The following CNTNAP5 variants were observed in gnomAD, a reference collection of about 807,000 sequenced individuals.
CNTNAP5 encodes the protein contactin-associated protein-like 5.
A neutral mutation model predicts 150.2 loss-of-function variants in CNTNAP5; 72 were observed. The observed-to-expected ratio is 0.48, with a 90% CI of 0.40 to 0.58. The LOEUF is 0.58. Ranked by LOEUF, CNTNAP5 falls within the 20% of genes least tolerant of loss-of-function variation. The pLI, the probability that CNTNAP5 is intolerant of heterozygous loss-of-function variation, is 0.00. For missense variants in CNTNAP5, 1,636 were observed against 1,626.2 expected, an observed-to-expected ratio of 1.01 and a Z score of -0.10; for synonymous variants, 672 against 619.8, an observed-to-expected ratio of 1.08 and a Z score of -1.25.
intron 5 of CNTNAP5, among the ~76,000 whole-genome samples, chr2:124,443,992 C>T (rs977820329): frequency 3.3e-5 from 5 of 152,058 alleles, no homozygotes; most frequent in African/African-American, 7.2e-5. Context: ...TTAAATCTAC[C>T]TGCCTTGTTA....
At chr2:124,679,502 C>T (rs1488888472) in intron 13 of CNTNAP5, among the ~76,000 whole-genome samples, 1 of 151,708 alleles carries the variant, frequency 6.6e-6, no homozygotes, top group East Asian at 1.9e-4. Flanking sequence ...GCGCTTTTTC[C>T]AAATCACTAA....
At chr2:124,088,739 A>G (rs1682753538) in intron 1 of CNTNAP5, among the ~76,000 whole-genome samples, 1 of 152,092 alleles carries the variant, frequency 6.6e-6, no homozygotes, top group Admixed American at 6.5e-5. Flanking sequence ...CTCTCCATGG[A>G]GTCTGCCCTG....
chr2:124,706,154 G>A (rs1180655556), intron 13 of CNTNAP5, among the ~76,000 whole-genome samples: 1 of 152,032 alleles, frequency 6.6e-6, no homozygotes, highest in Non-Finnish European at 1.5e-5. Context: ...TCCAGCAAAG[G>A]GACTTACCCA....
chr2:124,676,944 A>C (rs527797204), intron 13 of CNTNAP5, among the ~76,000 whole-genome samples: 1 of 152,308 alleles, frequency 6.6e-6, no homozygotes, highest in Non-Finnish European at 1.5e-5. Context: ...ACCATCTGGA[A>C]GTGCTTCTGT....
intron 13 of CNTNAP5, among the ~76,000 whole-genome samples, chr2:124,701,659 C>G (rs534896685): frequency 1.3e-5 from 2 of 152,124 alleles, no homozygotes; most frequent in Admixed American, 6.5e-5. Flanking sequence ...TCCCTTCTAT[C>G]CACACCCTTG....
chr2:124,515,260 T>TA (rs1184567513), intron 8 of CNTNAP5, among the ~76,000 whole-genome samples: 1 of 152,216 alleles, frequency 6.6e-6, no homozygotes, highest in African/African-American at 2.4e-5. Context: ...GAGCGCAGAA[T>TA]GCTGCCCTGC....
intron 22 of CNTNAP5, among the ~76,000 whole-genome samples, chr2:124,910,114 C>G (rs1223520790): frequency 6.6e-6 from 1 of 151,730 alleles, no homozygotes; most frequent in African/African-American, 2.4e-5. Context: ...CCCTGGACAC[C>G]ACAAATGGCA....
chr2:124,841,159 CCA>C (rs1558796544), intron 19 of CNTNAP5, among the ~76,000 whole-genome samples: 1 of 151,978 alleles, frequency 6.6e-6, no homozygotes, highest in Non-Finnish European at 1.5e-5. Context: ...ATCTAAGCCA[CCA>C]TTCACAGTAG....
intron 2 of CNTNAP5, among the ~76,000 whole-genome samples, chr2:124,233,801 A>C (rs1686681447): frequency 6.7e-6 from 1 of 150,286 alleles, no homozygotes; most frequent in African/African-American, 2.4e-5. Flanking sequence ...ATATATATAT[A>C]TATTATTTTA....
intron 12 of CNTNAP5, among the ~76,000 whole-genome samples, chr2:124,622,667 G>T (rs1270715677): frequency 6.6e-6 from 1 of 151,730 alleles, no homozygotes; most frequent in Non-Finnish European, 1.5e-5. Context: ...CATCCTGATT[G>T]GTGTGACACG....
At chr2:124,569,091 A>C (rs1427353901) in intron 11 of CNTNAP5, among the ~76,000 whole-genome samples, 2 of 152,072 alleles carry the variant, frequency 1.3e-5, no homozygotes, top group African/African-American at 4.8e-5. Flanking sequence ...TAATACCACA[A>C]GTTCTATGGT....
At chr2:124,059,516 ATGTCAT>A in intron 1 of CNTNAP5, among the ~76,000 whole-genome samples, 2 of 152,290 alleles carry the variant, frequency 1.3e-5, no homozygotes, top group East Asian at 3.9e-4. Flanking sequence ...GATGCACAGG[ATGTCAT>A]TCCTGACCCT....
At chr2:124,151,459 T>G (rs990308435) in intron 1 of CNTNAP5, among the ~76,000 whole-genome samples, 2 of 152,196 alleles carry the variant, frequency 1.3e-5, no homozygotes, top group East Asian at 3.9e-4. Flanking sequence ...TGAACCAGGT[T>G]TAAAAATCAG....
At chr2:124,911,643 C>A in intron 23 of CNTNAP5, 105 bp downstream of exon 23, 1 of 852,704 alleles carries the variant, frequency 1.2e-6, no homozygotes, top group Non-Finnish European at 1.9e-6. Context: ...GCACTCAGAG[C>A]CCCCTACATT....
chr2:124,446,417 A>C (rs960559610), intron 5 of CNTNAP5, among the ~76,000 whole-genome samples: 1 of 152,170 alleles, frequency 6.6e-6, no homozygotes, highest in Non-Finnish European at 1.5e-5. Context: ...GAACCATTCA[A>C]ACTCAAAGAA....
intron 1 of CNTNAP5, among the ~76,000 whole-genome samples, chr2:124,129,479 C>T (rs1683794374): frequency 6.6e-6 from 1 of 151,982 alleles, no homozygotes; most frequent in South Asian, 2.1e-4. Context: ...AGCAATGATA[C>T]CCACTTTGCT....
In CNTNAP5 at chr2:124,707,038, GA is replaced by G. The variant is rs1355348911; in HGVS notation, c.2078-40189del. Among the ~76,000 whole-genome samples, 34 of 130,514 alleles carry G rather than the reference GA, an allele frequency of 2.6e-4. 6 individuals are homozygous for G. The highest frequency in any genetic ancestry group is 9.4e-4 in the East Asian group (4 of 4,266). The allele number at this position is 130,514 out of a possible 152,430, so 85.6% of individuals were successfully genotyped here. A position where few individuals can be genotyped will look rare whatever the true frequency, so the allele number is the denominator to read the frequency against. Reference sequence around the variant, plus strand: ...AGGAGGAGAAGAAGAAGAAGAAGAAGAAGGAGGAGGAGGAGGAGGAGGAGAG... The same window carrying G: ...AGGAGGAGAAGAAGAAGAAGAAGAAGAGGAGGAGGAGGAGGAGGAGGAGAG... On this transcript the variant is annotated intron_variant, in intron 13 of 23. Transcript: ENST00000682447.
rs1367521862 is a variant in CNTNAP5, at chr2:124,918,614, C to T, written c.*4326C>T. 1.3e-5 allele frequency among the ~76,000 whole-genome samples: 2 copies of T among 152,036 alleles called. No individual in the cohort carries two copies. The highest frequency in any genetic ancestry group is 2.9e-5 in the Non-Finnish European group (2 of 67,980). On this transcript the variant is annotated 3_prime_UTR_variant, in exon 24 of 24. Transcript: ENST00000682447. ...GGAAAGGTCTTGACAGACTGTTCAC[C>T]AACTGCCCTAGCTTCCTTTAAGCTT... is the stretch of plus-strand genomic sequence containing the variant.
intron 14 of CNTNAP5, among the ~76,000 whole-genome samples, chr2:124,756,308 C>A (rs1332738829): frequency 6.6e-6 from 1 of 152,194 alleles, no homozygotes; most frequent in Non-Finnish European, 1.5e-5. Flanking sequence ...CACGTTTACA[C>A]TGTGGGTGGG....
Sources: allele counts gnomAD v4.1 joint callset (sites outside exome capture counted in the v4.1 genomes callset), GRCh38; gene constraint gnomAD v4.1.1; transcripts MANE v1.5; gene names NCBI Gene and HGNC (gene_info 2026-07-23, HGNC 2026-07-21).